NOX5: variants seen among roughly 807,000 people sequenced by gnomAD.
The protein encoded by NOX5 is NADPH oxidase, EF-hand calcium binding domain 5.
Under a neutral mutation model 85.7 loss-of-function variants are expected in NOX5, and 76 were observed. That is an observed-to-expected ratio of 0.89 (90% confidence interval 0.74 to 1.07). The LOEUF (loss-of-function observed/expected upper bound fraction) is 1.07. NOX5 is among the 50% of genes least tolerant of loss of function. The pLI, the probability that NOX5 is intolerant of heterozygous loss-of-function variation, is 0.00. For synonymous variants in NOX5, 405 were observed against 401.4 expected (o/e 1.01, Z -0.11); for missense variants, 973 against 999.5 (o/e 0.97, Z 0.36).
chr15:69,045,696 C>A (rs981020178), intron 10 of NOX5, among the ~76,000 whole-genome samples: 2 of 147,176 alleles, frequency 1.4e-5, no homozygotes, highest in Non-Finnish European at 3.0e-5. Flanking sequence ...TCTTTTCTTT[C>A]TTTCCTTTCT....
rs181253583 is a variant in NOX5, at chr15:69,022,410, A to G, written c.51-4118A>G. On this transcript the variant is annotated intron_variant, in intron 1 of 15. Coordinates refer to ENST00000388866, the MANE Select transcript of NOX5 (RefSeq NM_024505.4). ...TGGTCAAAAACCAGTTGAGAAAGAA[A>G]TACAATTGAATATCAATGGGATCGT... 7 of 161,068 alleles carry G rather than the reference A, an allele frequency of 4.3e-5. No individual in the cohort carries two copies. In the East Asian group the frequency reaches 1.2e-3, roughly 27 times the overall value. 10.0% of individuals were successfully genotyped at this position (161,068 alleles called of 1,614,324 possible).
At chr15:69,045,586 C>CTTTCTTCCCTTTCTTTCT (rs1595786283) in intron 10 of NOX5, among the ~76,000 whole-genome samples, 2 of 85,008 alleles carry the variant, frequency 2.4e-5, no homozygotes, top group East Asian at 3.3e-4. Context: ...TCTTTCTTTT[C>CTTTCTTCCCTTTCTTTCT]TTTCTTTCTT....
At chr15:69,024,467 A>G (rs1255171049) in intron 1 of NOX5, among the ~76,000 whole-genome samples, 2 of 152,042 alleles carry the variant, frequency 1.3e-5, no homozygotes, top group Non-Finnish European at 2.9e-5. Context: ...GTGAATCCAC[A>G]CTATACACGC....
chr15:69,026,271 G>A (rs979973310), intron 1 of NOX5, among the ~76,000 whole-genome samples: 4 of 152,174 alleles, frequency 2.6e-5, no homozygotes, highest in African/African-American at 4.8e-5. Context: ...CACCTCACTC[G>A]GGCCCTGTCA....
chr15:69,055,232 G>C (rs1444848187), intron 14 of NOX5, 102 bp from the exon 15 acceptor site: 1 of 1,279,066 alleles, frequency 7.8e-7, no homozygotes, highest in Non-Finnish European at 1.1e-6. Context: ...AAGACCTATG[G>C]GTCTCCTTCC....
chr15:69,024,051 G>T (rs558952468), intron 1 of NOX5: 19 of 153,602 alleles, frequency 1.2e-4, no homozygotes, highest in Middle Eastern at 2.0e-3. Flanking sequence ...TACTGGCAAG[G>T]AATATTTGAT....
At chr15:69,031,915 C>A (rs1325506218) in intron 4 of NOX5, 103 bp downstream of exon 4, 7 of 1,225,728 alleles carry the variant, frequency 5.7e-6, no homozygotes, top group African/African-American at 1.5e-5. Context: ...CCTACCCCGC[C>A]CTGCCCCGCC....
In NOX5 at chr15:69,061,013, T is replaced by A. The variant is rs1216901746; in HGVS notation, c.*4317T>A. 1 of 152,392 alleles carries A rather than the reference T, an allele frequency of 6.6e-6. No homozygotes were observed. Among genetic ancestry groups the A allele is most frequent in the African/African-American group, 2.4e-5 (1 of 41,598 alleles). The allele number at this position is 152,392 out of a possible 1,614,324, so 9.4% of individuals were successfully genotyped here. On this transcript the variant is annotated 3_prime_UTR_variant, in exon 16 of 16. Transcript: ENST00000388866. ...AACTGTGGAGGAGGCAAAGGAGGACTTGAATGTTTTCCTCTTATCTGTTTC... is the reference window on the plus strand; with the variant it reads ...AACTGTGGAGGAGGCAAAGGAGGACATGAATGTTTTCCTCTTATCTGTTTC...
rs764946074 is a variant in NOX5, at chr15:69,042,798, C to T, written c.1640C>T (p.Ser547Leu). ...RSVTMRKSQR[S>L]SKGSEILLEK... ...GTGACAATGAGAAAGAGTCAAAGGT[C>T]GTCCAAGGTAGGTGGCTACTGGAGG... Residue 547 changes from serine to leucine, a missense_variant, in exon 10 of 16, where the codon TCG (serine) becomes TTG (leucine). Ser to Leu is a moderately radical substitution (Grantham distance 145, BLOSUM62 -2). Transcript: ENST00000388866. The T allele has an allele frequency of 1.1e-5, 18 of 1,613,484 alleles. No homozygotes were observed. The highest frequency in any genetic ancestry group is 1.1e-4 in the East Asian group (5 of 44,876).
chr15:69,038,376 T>G (rs2050549268), intron 8 of NOX5: 1 of 179,126 alleles, frequency 5.6e-6, no homozygotes, highest in Non-Finnish European at 1.1e-5. Flanking sequence ...GTCCCTAAAG[T>G]AGAGAGAAAA....
At chr15:69,042,167 A>G (rs1441172822) in intron 9 of NOX5, among the ~76,000 whole-genome samples, 1 of 152,128 alleles carries the variant, frequency 6.6e-6, no homozygotes, top group East Asian at 1.9e-4. Context: ...ACCACTCAGC[A>G]GAAGAGTCAC....
Position 69,061,885 on chromosome 15 carries a change from A to G in NOX5, c.*5189A>G, listed in dbSNP as rs2050873834. ...GATGCATTTTTTGGTAAAGGAAAAA[A>G]AAATTCTGAGATTTACCCAAATTTG... On this transcript the variant is annotated 3_prime_UTR_variant, in exon 16 of 16. Transcript: ENST00000388866. 6.6e-6 allele frequency: 1 copy of G among 152,188 alleles called. No homozygotes were observed. Among genetic ancestry groups the G allele is most frequent in the Non-Finnish European group, 1.5e-5 (1 of 68,028 alleles). 9.4% of individuals were successfully genotyped at this position (152,188 alleles called of 1,614,324 possible). A position where few individuals can be genotyped will look rare whatever the true frequency, so the allele number is the denominator to read the frequency against.
chr15:69,042,127 C>T (rs2050602705), intron 9 of NOX5, among the ~76,000 whole-genome samples: 1 of 152,046 alleles, frequency 6.6e-6, no homozygotes, highest in Non-Finnish European at 1.5e-5. Flanking sequence ...TTGCATCCTC[C>T]TCACTCTGAT....
chr15:69,047,581 C>T (rs1446383102), intron 12 of NOX5, 44 bp downstream of exon 12: 2 of 1,589,664 alleles, frequency 1.3e-6, no homozygotes, highest in Non-Finnish European at 1.7e-6. Flanking sequence ...GGTCAGAGCC[C>T]CAAGGCGCCC....
rs573316909 is a variant in NOX5 at position 69,060,920 on chromosome 15, C to G, written c.*4224C>G. The G allele has an allele frequency of 4.6e-5, 7 of 152,332 alleles. No homozygotes were observed. The highest frequency in any genetic ancestry group is 1.7e-4 in the African/African-American group (7 of 41,574). 9.4% of individuals were successfully genotyped at this position (152,332 alleles called of 1,614,324 possible). A position where few individuals can be genotyped will look rare whatever the true frequency, so the allele number is the denominator to read the frequency against. On this transcript the variant is annotated 3_prime_UTR_variant, in exon 16 of 16. Transcript: ENST00000388866. ...ATCTGGTGAAAGGAGAAAAGTCAGC[C>G]AGCCATCCTGATGCGTTTTCTTGCT...
At chr15:69,024,502 G>A (rs553291635) in intron 1 of NOX5, among the ~76,000 whole-genome samples, 2 of 152,130 alleles carry the variant, frequency 1.3e-5, no homozygotes, top group Non-Finnish European at 1.5e-5. Flanking sequence ...TCACTTAGTC[G>A]CTGTCTCGGT....
At chr15:69,015,424 C>T (rs374885158) in intron 1 of NOX5, among the ~76,000 whole-genome samples, 106 of 152,288 alleles carry the variant, frequency 7.0e-4, no homozygotes, top group African/African-American at 2.3e-3. Flanking sequence ...GCCTTCCCTG[C>T]GTTAGCACTT....
rs536218844 is a variant in NOX5 at position 69,054,511 on chromosome 15, A to C, written c.2000-823A>C. The stretch of plus-strand genomic sequence containing the variant: ...CTCATTCTGGCCTCAATCTGTTTCT[A>C]GTCCCATTTCCTTTTGCTCCCATCC... On this transcript the variant is annotated intron_variant, in intron 14 of 15. Transcript: ENST00000388866. 1.5e-4 allele frequency among the ~76,000 whole-genome samples: 23 copies of C among 152,270 alleles called. No homozygotes were observed. The South Asian group carries it at 4.6e-3, about 30-fold the overall frequency.
At chr15:69,033,739 T>G (rs1345296746) in intron 5 of NOX5, among the ~76,000 whole-genome samples, 1 of 150,676 alleles carries the variant, frequency 6.6e-6, no homozygotes, top group Non-Finnish European at 1.5e-5. Context: ...TTGCTCTTGT[T>G]GCCCAGCTGG....
Sources: gnomAD v4.1 joint callset for allele counts (sites outside exome capture counted in the v4.1 genomes callset) on GRCh38, gnomAD v4.1.1 for gene constraint, MANE v1.5 for transcripts, NCBI Gene and HGNC (gene_info 2026-07-23, HGNC 2026-07-21) for gene names.